CHN1: variants seen among roughly 807,000 people sequenced by gnomAD.
CHN1 encodes N-chimaerin.
Under a neutral mutation model 59.5 loss-of-function variants are expected in CHN1, and 37 were observed. The observed-to-expected ratio is 0.62, with a 90% confidence interval of 0.48 to 0.82. CHN1 has a LOEUF of 0.82. Ranked by LOEUF, CHN1 falls within the 40% of genes least tolerant of loss-of-function variation. The probability of loss-of-function intolerance (pLI) is 0.00; values close to 1 mark genes in which losing one functional copy is unlikely to be tolerated. For missense variants in CHN1, 469 were observed against 571.0 expected (o/e 0.82, Z 1.82); for synonymous variants, 206 against 200.4 (o/e 1.03, Z -0.24).
chr2:174,846,278 CATTAACACAATA>C, intron 7 of CHN1: 2 of 1,534,108 alleles, frequency 1.3e-6, no homozygotes, highest in Non-Finnish European at 1.8e-6. Flanking sequence ...TGATAAACCA[CATTAACACAATA>C]ATTAAAAACT....
chr2:174,909,578 C>T (rs968251018), intron 5 of CHN1, among the ~76,000 whole-genome samples: 2 of 152,234 alleles, frequency 1.3e-5, no homozygotes, highest in African/African-American at 4.8e-5. Flanking sequence ...TCTGATTGCA[C>T]TGGCAGCCAT....
intron 6 of CHN1, among the ~76,000 whole-genome samples, chr2:174,857,671 C>T (rs1686946705): frequency 6.6e-6 from 1 of 152,120 alleles, no homozygotes; most frequent in Non-Finnish European, 1.5e-5. Flanking sequence ...TGAGAAGGTC[C>T]TCTTGATCTT....
intron 2 of CHN1, among the ~76,000 whole-genome samples, chr2:174,947,423 C>T (rs1178725952): frequency 6.6e-6 from 1 of 151,952 alleles, no homozygotes; most frequent in Non-Finnish European, 1.5e-5. Context: ...TAGACAAATG[C>T]CTCCTGATTG....
intron 6 of CHN1, among the ~76,000 whole-genome samples, chr2:174,850,287 T>C (rs1289431005): frequency 6.6e-6 from 1 of 152,164 alleles, no homozygotes; most frequent in African/African-American, 2.4e-5. Context: ...GAATCTAGCA[T>C]AGCAGCTTAC....
chr2:174,977,649 G>A (rs997889234), intron 1 of CHN1, among the ~76,000 whole-genome samples: 2 of 152,162 alleles, frequency 1.3e-5, no homozygotes, highest in African/African-American at 4.8e-5. Context: ...CTTTTTACTT[G>A]TAGTATAATT....
At chr2:174,834,731 A>T (rs1426297215) in intron 7 of CHN1, among the ~76,000 whole-genome samples, 1 of 152,228 alleles carries the variant, frequency 6.6e-6, no homozygotes, top group Non-Finnish European at 1.5e-5. Flanking sequence ...GTTTCCTCAA[A>T]GTTGACATAT....
chr2:174,906,673 G>C (rs1688552983), intron 5 of CHN1, among the ~76,000 whole-genome samples: 1 of 148,516 alleles, frequency 6.7e-6, no homozygotes, highest in African/African-American at 2.5e-5. Context: ...AGAAAAAAAA[G>C]ATGCAATTTT....
intron 3 of CHN1, among the ~76,000 whole-genome samples, chr2:174,932,816 TAA>T (rs1689389427): frequency 6.6e-6 from 1 of 152,188 alleles, no homozygotes; most frequent in African/African-American, 2.4e-5. Context: ...CCACCATGAA[TAA>T]AAGTTTCCTG....
In CHN1 at chr2:174,892,987, T is replaced by C. The variant is rs187065968; in HGVS notation, c.261-14859A>G. 2.0e-5 allele frequency among the ~76,000 whole-genome samples: 3 copies of C among 152,256 alleles called. 1 individual carries two copies. The East Asian group carries it at 5.8e-4, about 29-fold the overall frequency. ...AAATTACCTCAGTATAAAAGGGTTA[T>C]AGATAAAAAGCCCTCACCTTATATC... On this transcript the variant is annotated intron_variant, in intron 5 of 12. Coordinates refer to ENST00000409900, the MANE Select transcript of CHN1 (RefSeq NM_001822.7).
intron 6 of CHN1, among the ~76,000 whole-genome samples, chr2:174,876,066 G>A (rs1040426464): frequency 1.3e-5 from 2 of 152,176 alleles, no homozygotes; most frequent in Non-Finnish European, 2.9e-5. Context: ...AGGGAATTCA[G>A]TACAGAAAGT....
intron 3 of CHN1, 133 bp downstream of exon 3, chr2:174,944,755 C>G (rs1558992116): frequency 3.3e-6 from 2 of 609,736 alleles, no homozygotes; most frequent in Middle Eastern, 5.2e-4. Flanking sequence ...AAAATGTATT[C>G]AAGTTATAAT....
intron 6 of CHN1, among the ~76,000 whole-genome samples, chr2:174,860,154 C>T (rs1418052196): frequency 1.3e-5 from 2 of 152,088 alleles, no homozygotes; most frequent in Non-Finnish European, 2.9e-5. Context: ...AATAAAACTA[C>T]CTCCAAACCA....
chr2:174,816,462 A>C (rs1685270038), intron 8 of CHN1, among the ~76,000 whole-genome samples: 1 of 152,128 alleles, frequency 6.6e-6, no homozygotes, highest in Admixed American at 6.5e-5. Context: ...GTATGACTGA[A>C]AGGTTTCTGT....
intron 3 of CHN1, among the ~76,000 whole-genome samples, chr2:174,924,250 G>C (rs11896024): frequency 0.47 from 71,245 of 151,726 alleles, 17,455 homozygotes; most frequent in African/African-American, 0.6. Context: ...GAAACCAACT[G>C]CAGAGACAAT....
intron 6 of CHN1, chr2:174,847,492 G>T: frequency 8.5e-7 from 1 of 1,181,100 alleles, no homozygotes. Flanking sequence ...ATTTCTAAAA[G>T]CTTTCTTCTC....
At chr2:174,938,295 C>T (rs1025224814) in intron 3 of CHN1, among the ~76,000 whole-genome samples, 3 of 152,108 alleles carry the variant, frequency 2.0e-5, no homozygotes, top group Non-Finnish European at 2.9e-5. Context: ...TTTCTTCCTT[C>T]GAAAAGTATT....
intron 2 of CHN1, among the ~76,000 whole-genome samples, chr2:174,948,584 T>C (rs1689918759): frequency 6.6e-6 from 1 of 152,230 alleles, no homozygotes; most frequent in Non-Finnish European, 1.5e-5. Context: ...AAGATAGGCA[T>C]GGGTAAAATA....
intron 6 of CHN1, among the ~76,000 whole-genome samples, chr2:174,868,193 T>C (rs538692742): frequency 6.6e-6 from 1 of 152,312 alleles, no homozygotes; most frequent in Admixed American, 6.5e-5. Flanking sequence ...GTTTTGAAAG[T>C]TAAGAACAGT....
intron 2 of CHN1, 126 bp downstream of exon 2, chr2:174,952,038 C>T: frequency 1.7e-6 from 1 of 584,184 alleles, no homozygotes; most frequent in Non-Finnish European, 2.8e-6. Context: ...ATGCTACTCC[C>T]AAACCTTGTT....
Sources: gnomAD v4.1 joint callset for allele counts (sites outside exome capture counted in the v4.1 genomes callset) on GRCh38, gnomAD v4.1.1 for gene constraint, MANE v1.5 for transcripts, NCBI Gene and HGNC (gene_info 2026-07-23, HGNC 2026-07-21) for gene names.